Variants in MPC2 observed in about 807,000 individuals in gnomAD.
The protein encoded by MPC2 is mitochondrial pyruvate carrier 2.
In MPC2, 19 loss-of-function variants were observed where a neutral mutation model predicts 19.2. That is an observed-to-expected ratio of 0.99 (90% confidence interval 0.69 to 1.45). MPC2 has a LOEUF of 1.45. Among genes scored for constraint, MPC2 ranks in the 40% most tolerant of loss-of-function variants. The pLI, the probability that MPC2 is intolerant of heterozygous loss-of-function variation, is 0.00. For missense variants in MPC2, 122 were observed against 153.0 expected, an observed-to-expected ratio of 0.80 and a Z score of 1.07; for synonymous variants, 61 against 54.3, an observed-to-expected ratio of 1.12 and a Z score of -0.54.
intron 5 of MPC2, among the ~76,000 whole-genome samples, chr1:167,919,060 C>T (rs1178725309): frequency 6.6e-6 from 1 of 152,108 alleles, no homozygotes; most frequent in Non-Finnish European, 1.5e-5. Context: ...TTTATACTCG[C>T]AAAGCACCTT....
chr1:167,933,478 C>A (rs1054310836), intron 2 of MPC2, among the ~76,000 whole-genome samples: 1 of 152,172 alleles, frequency 6.6e-6, no homozygotes, highest in African/African-American at 2.4e-5. Context: ...AAAACACATT[C>A]TTGTTACCTG....
Position 167,936,988 on chromosome 1 carries a change from G to T in MPC2, c.-107C>A, listed in dbSNP as rs765393339. ...TCCCTCGGGCTGGAGGACCCGTCCC[G>T]GCTGCGGAGTCGCTACCTGGGTGAG... On this transcript the variant is annotated 5_prime_UTR_variant, in exon 1 of 6. Coordinates refer to ENST00000271373, the MANE Select transcript of MPC2 (RefSeq NM_001143674.4). The T allele has an allele frequency of 4.3e-6, 7 of 1,610,332 alleles. No homozygotes were observed. The highest frequency in any genetic ancestry group is 2.2e-5 in the East Asian group (1 of 44,782).
chr1:167,925,862 A>G (rs527765189), intron 2 of MPC2, among the ~76,000 whole-genome samples: 65 of 152,300 alleles, frequency 4.3e-4, no homozygotes, highest in Admixed American at 3.9e-3. Context: ...TAACTTTTAA[A>G]GTACTTTAAA....
chr1:167,924,623 C>G (rs967427855), intron 2 of MPC2, 86 bp from the exon 3 acceptor site: 1 of 970,980 alleles, frequency 1.0e-6, no homozygotes, highest in Non-Finnish European at 1.5e-6. Flanking sequence ...ATTTTAAAAA[C>G]CAAAGGATTT....
chr1:167,929,487 C>T (rs1161553254), intron 2 of MPC2, among the ~76,000 whole-genome samples: 1 of 152,008 alleles, frequency 6.6e-6, no homozygotes, highest in Non-Finnish European at 1.5e-5. Flanking sequence ...TTTTTAAATT[C>T]TAACTTTTCA....
intron 2 of MPC2, among the ~76,000 whole-genome samples, chr1:167,934,460 G>A (rs143473609): frequency 6.6e-6 from 1 of 152,180 alleles, no homozygotes; most frequent in African/African-American, 2.4e-5. Flanking sequence ...AATGTTAAAA[G>A]AACTAAAAGG....
Position 167,935,853 on chromosome 1 carries a change from G to A in MPC2, c.-12C>T. The A allele has an allele frequency of 1.3e-6, 2 of 1,544,922 alleles. No individual in the cohort carries two copies. The highest frequency in any genetic ancestry group is 1.8e-6 in the Non-Finnish European group (2 of 1,142,704). On this transcript the variant is annotated 5_prime_UTR_variant, in exon 2 of 6. Coordinates refer to ENST00000271373, the MANE Select transcript of MPC2 (RefSeq NM_001143674.4). ...CCGGCGGCCGACATCGCCGCCGAGG[G>A]ATCGTTGGCAGCCGGGTGGGAGCGT...
intron 1 of MPC2, 149 bp downstream of exon 1, chr1:167,936,790 C>T: frequency 2.3e-6 from 2 of 852,872 alleles, no homozygotes; most frequent in Non-Finnish European, 3.7e-6. Flanking sequence ...TCTAACGCTG[C>T]GCCCTGGAGG....
At chr1:167,935,063 GA>G (rs1243916562) in intron 2 of MPC2, among the ~76,000 whole-genome samples, 1 of 152,110 alleles carries the variant, frequency 6.6e-6, no homozygotes, top group Non-Finnish European at 1.5e-5. Flanking sequence ...TACACAAACA[GA>G]GATCTAGGCT....
chr1:167,916,874 A>G lies in MPC2; in HGVS notation c.*1449T>C, dbSNP rs1292372460. On this transcript the variant is annotated 3_prime_UTR_variant, in exon 6 of 6. Coordinates refer to ENST00000271373, the MANE Select transcript of MPC2 (RefSeq NM_001143674.4). ...CAGTGTGGTTTATGAAATGAAAGCA[A>G]TAATAGTTTGACTCTTCAGAACCTC... 6.6e-6 allele frequency: 1 copy of G among 152,250 alleles called. No homozygotes were observed. The highest frequency in any genetic ancestry group is 1.5e-5 in the Non-Finnish European group (1 of 68,044). The allele number at this position is 152,250 out of a possible 1,614,324, so 9.4% of individuals were successfully genotyped here.
intron 2 of MPC2, among the ~76,000 whole-genome samples, chr1:167,935,522 G>A (rs1238341372): frequency 6.6e-6 from 1 of 152,212 alleles, no homozygotes; most frequent in Admixed American, 6.5e-5. Context: ...AGGTGGGGAA[G>A]GGAGCTGACT....
At chr1:167,925,357 A>G (rs1273411678) in intron 2 of MPC2, among the ~76,000 whole-genome samples, 1 of 150,054 alleles carries the variant, frequency 6.7e-6, no homozygotes, top group Non-Finnish European at 1.5e-5. Flanking sequence ...AAAGTTAGCC[A>G]GTAGAGTTGG....
At position 167,918,364 on chromosome 1, in the gene MPC2, A is replaced by G. The variant is rs746463976; in HGVS notation, c.348-5T>C. On this transcript the variant is annotated splice_region_variant and splice_polypyrimidine_tract_variant and intron_variant, in intron 5 of 5. Coordinates refer to ENST00000271373, the MANE Select transcript of MPC2 (RefSeq NM_001143674.4). ...GCTTTTAGTTCTTGGTTATATCTAT[A>G]AAGAAAACAGAAAGAAAAATAATCA... The G allele has an allele frequency of 6.0e-6, 9 of 1,510,866 alleles. No individual in the cohort carries two copies. Among genetic ancestry groups the G allele is most frequent in the Middle Eastern group, 1.7e-4 (1 of 5,792 alleles). The allele number at this position is 1,510,866 out of a possible 1,614,324, so 93.6% of individuals were successfully genotyped here.
Position 167,935,910 on chromosome 1 carries a change from G to A in MPC2, c.-57-12C>T. The A allele has an allele frequency of 4.9e-6, 6 of 1,219,132 alleles. No homozygotes were observed. Among genetic ancestry groups the A allele is most frequent in the Non-Finnish European group, 7.1e-6 (6 of 848,202 alleles). 75.5% of individuals were successfully genotyped at this position (1,219,132 alleles called of 1,614,324 possible). The stretch of plus-strand genomic sequence containing the variant: ...GTTCTCGTCCCTGGCTGACAACGAA[G>A]GGGAGCTAGTCACTTTTCCTGCCAC... On this transcript the variant is annotated splice_polypyrimidine_tract_variant and intron_variant, in intron 1 of 5. Transcript: ENST00000271373.
rs565129308 is a variant in MPC2, at chr1:167,935,813, C to T, written c.29G>A (p.Arg10Gln). 1.6e-4 allele frequency: 251 copies of T among 1,555,262 alleles called. 4 individuals are homozygous for T. The South Asian group carries it at 2.9e-3, about 18-fold the overall frequency. ...ATCGAGGAGCCGGTGGTAGGTGGCC[C>T]GCAGGCCTCGGGCACCGGCGGCCGA... MSAAGARGL[R>Q]ATYHRLLDKV... Residue 10 changes from arginine to glutamine, a missense_variant, in exon 2 of 6, where the codon CGG (arginine) becomes CAG (glutamine). Transcript: ENST00000271373.
Position 167,924,539 on chromosome 1 carries a change from T to TA in MPC2, c.110-3_110-2insT. 1 of 1,532,300 alleles carries TA rather than the reference T, an allele frequency of 6.5e-7. No homozygotes were observed. Among genetic ancestry groups the TA allele is most frequent in the Non-Finnish European group, 8.7e-7 (1 of 1,144,758 alleles). The allele number at this position is 1,532,300 out of a possible 1,614,324, so 94.9% of individuals were successfully genotyped here. ...CCCAGAAGAAAACTGTTCTGGGACC[T>TA]GAAAAAAAAAAGAAAAGAAAAATTC... On this transcript the variant is annotated splice_region_variant and splice_polypyrimidine_tract_variant and intron_variant, in intron 2 of 5. Coordinates refer to ENST00000271373, the MANE Select transcript of MPC2 (RefSeq NM_001143674.4).
intron 2 of MPC2, among the ~76,000 whole-genome samples, chr1:167,929,197 A>G (rs1400494575): frequency 1.3e-5 from 2 of 151,066 alleles, no homozygotes; most frequent in Non-Finnish European, 3.0e-5. Context: ...CATCTCTACT[A>G]AAAATACAAA....
chr1:167,925,440 CACATATATATATATATATAT>C (rs1468362299), intron 2 of MPC2, among the ~76,000 whole-genome samples: 4 of 49,660 alleles, frequency 8.1e-5, no homozygotes, highest in African/African-American at 3.5e-4. Flanking sequence ...TATACATATA[CACATATATATATATATATAT>C]ATATATATAT....
In MPC2 at chr1:167,921,185, T is replaced by C. The variant is rs186238380; in HGVS notation, c.151-554A>G. Among the ~76,000 whole-genome samples the C allele has an allele frequency of 6.0e-4, 91 of 152,242 alleles. 1 individual carries two copies. The highest frequency in any genetic ancestry group is 2.1e-3 in the African/African-American group (88 of 41,564). ...CTTCTAATGAATTATTTTTTAAAAGTATAAATATCAGAAAAACTTATAATT... is the reference window on the plus strand; with the variant it reads ...CTTCTAATGAATTATTTTTTAAAAGCATAAATATCAGAAAAACTTATAATT... On this transcript the variant is annotated intron_variant, in intron 3 of 5. Coordinates refer to ENST00000271373, the MANE Select transcript of MPC2 (RefSeq NM_001143674.4).
Sources: gnomAD v4.1 joint callset for allele counts (sites outside exome capture counted in the v4.1 genomes callset) on GRCh38, gnomAD v4.1.1 for gene constraint, MANE v1.5 for transcripts, NCBI Gene and HGNC (gene_info 2026-07-23, HGNC 2026-07-21) for gene names.